Variants in FSHR observed in about 807,000 individuals in gnomAD.
The protein encoded by FSHR is follicle stimulating hormone receptor, also known as follicle-stimulating hormone receptor.
A neutral mutation model predicts 52.1 loss-of-function variants in FSHR; 46 were observed. The ratio of observed to expected loss-of-function variants is 0.88; its 90% confidence interval spans 0.70 to 1.13. FSHR has a LOEUF of 1.13. Among genes scored for constraint, FSHR ranks in the 50% most tolerant of loss-of-function variants. The pLI, the probability that FSHR is intolerant of heterozygous loss-of-function variation, is 0.00. For missense variants in FSHR, 964 were observed against 834.6 expected (o/e 1.16, Z -1.91); for synonymous variants, 399 against 309.6 (o/e 1.29, Z -3.03).
At chr2:49,090,715 C>T (rs1440739200) in intron 1 of FSHR, among the ~76,000 whole-genome samples, 1 of 152,196 alleles carries the variant, frequency 6.6e-6, no homozygotes, top group Non-Finnish European at 1.5e-5. Flanking sequence ...AGCTGTACCA[C>T]ATTGGGTTCT....
At chr2:49,021,691 C>A (rs1230597205) in intron 2 of FSHR, among the ~76,000 whole-genome samples, 1 of 151,648 alleles carries the variant, frequency 6.6e-6, no homozygotes, top group Non-Finnish European at 1.5e-5. Flanking sequence ...AGGGCCATTT[C>A]TCAGAAGCCC....
chr2:48,991,674 G>A (rs1314825900), intron 4 of FSHR, among the ~76,000 whole-genome samples: 1 of 152,232 alleles, frequency 6.6e-6, no homozygotes, highest in Non-Finnish European at 1.5e-5. Context: ...TGGATGAAAT[G>A]TGGGTGGAAC....
intron 1 of FSHR, among the ~76,000 whole-genome samples, chr2:49,132,178 G>T (rs1572788509): frequency 6.6e-6 from 1 of 152,140 alleles, no homozygotes; most frequent in Admixed American, 6.6e-5. Flanking sequence ...ATGATGTACT[G>T]CTTTGTTTAG....
At chr2:49,123,394 G>C (rs1348658680) in intron 1 of FSHR, among the ~76,000 whole-genome samples, 1 of 152,096 alleles carries the variant, frequency 6.6e-6, no homozygotes, top group African/African-American at 2.4e-5. Context: ...GGCTGAGGTA[G>C]GAGTATCGCT....
chr2:49,052,801 G>A lies in FSHR; in HGVS notation c.224+15418C>T, dbSNP rs149326740. Among the ~76,000 whole-genome samples, 75 of 152,266 alleles carry A rather than the reference G, an allele frequency of 4.9e-4. 1 individual carries two copies. In the East Asian group the frequency reaches 6.2e-3, roughly 13 times the overall value. ...AATCACAGAAGGTTGGGTTAGGAAG[G>A]AACTTAAGTCATGTAACAAGGGGGT... On this transcript the variant is annotated intron_variant, in intron 2 of 9. Transcript: ENST00000406846.
At chr2:49,101,341 T>C (rs576252878) in intron 1 of FSHR, among the ~76,000 whole-genome samples, 34 of 151,982 alleles carry the variant, frequency 2.2e-4, no homozygotes, top group Non-Finnish European at 3.8e-4. Context: ...GGAAGTATAA[T>C]AGGGTGGAGT....
Position 49,044,088 on chromosome 2 carries a change from C to T in FSHR, c.225-23928G>A, listed in dbSNP as rs775311270. 2.6e-4 allele frequency among the ~76,000 whole-genome samples: 39 copies of T among 152,108 alleles called. 1 individual carries two copies. The highest frequency in any genetic ancestry group is 3.5e-4 in the Non-Finnish European group (24 of 68,010). On this transcript the variant is annotated intron_variant, in intron 2 of 9. Transcript: ENST00000406846. ...TCTGTAACTACATTATAAATTTCTT[C>T]GGGGTTAGAACCAAATCCTATCTGT...
chr2:49,119,756 C>T (rs1327299120), intron 1 of FSHR, among the ~76,000 whole-genome samples: 5 of 152,106 alleles, frequency 3.3e-5, no homozygotes, highest in Admixed American at 6.5e-5. Context: ...AATACAAAAA[C>T]GAACAAAGGA....
intron 1 of FSHR, among the ~76,000 whole-genome samples, chr2:49,140,281 C>T (rs559194569): frequency 2.0e-5 from 3 of 152,042 alleles, no homozygotes; most frequent in African/African-American, 4.8e-5. Context: ...CAAATCTGGT[C>T]GTTTGAAAGT....
intron 1 of FSHR, among the ~76,000 whole-genome samples, chr2:49,076,760 A>G (rs1412268057): frequency 6.6e-6 from 1 of 152,216 alleles, no homozygotes; most frequent in Admixed American, 6.5e-5. Context: ...TTGGGTAAAT[A>G]CAGCCATTCC....
In FSHR at chr2:48,995,470, C is replaced by T. The variant is rs181778778; in HGVS notation, c.375-4833G>A. ...AGCAAGTGTGTATATCCGGACCACACGAGGTGGATGAAAGGATGGGAAGCA... is the reference window on the plus strand; with the variant it reads ...AGCAAGTGTGTATATCCGGACCACATGAGGTGGATGAAAGGATGGGAAGCA... On this transcript the variant is annotated intron_variant, in intron 4 of 9. Coordinates refer to ENST00000406846, the MANE Select transcript of FSHR (RefSeq NM_000145.4). Among the ~76,000 whole-genome samples, 539 of 151,972 alleles carry T rather than the reference C, an allele frequency of 3.5e-3. 2 individuals carry two copies. The highest frequency in any genetic ancestry group is 0.012 in the African/African-American group (512 of 41,446).
chr2:49,039,625 A>G (rs1394608038), intron 2 of FSHR, among the ~76,000 whole-genome samples: 2 of 152,142 alleles, frequency 1.3e-5, no homozygotes, highest in South Asian at 2.1e-4. Flanking sequence ...CTTTTTTCCA[A>G]ACTGGTAGCT....
chr2:49,094,742 T>G (rs1337649073), intron 1 of FSHR, among the ~76,000 whole-genome samples: 2 of 152,000 alleles, frequency 1.3e-5, no homozygotes, highest in African/African-American at 4.8e-5. Flanking sequence ...GTCAGTAACT[T>G]AAACTTTAAG....
At chr2:49,020,271 T>C in intron 2 of FSHR, 111 bp from the exon 3 acceptor site, 1 of 909,700 alleles carries the variant, frequency 1.1e-6, no homozygotes, top group Admixed American at 1.8e-5. Flanking sequence ...CACACAAAAC[T>C]CCTTTCCTGC....
At chr2:49,068,352 A>C (rs567002828) in intron 1 of FSHR, 62 bp from the exon 2 acceptor site, 281 of 1,343,862 alleles carry the variant, frequency 2.1e-4, no homozygotes, top group South Asian at 7.1e-4. Flanking sequence ...TGAGTTGCTA[A>C]TGTATTCATA....
chr2:49,035,810 A>C (rs1252269258), intron 2 of FSHR, among the ~76,000 whole-genome samples: 1 of 152,224 alleles, frequency 6.6e-6, no homozygotes, highest in Non-Finnish European at 1.5e-5. Context: ...TACAGTCCTT[A>C]AAGCATGAGG....
intron 2 of FSHR, among the ~76,000 whole-genome samples, chr2:49,060,432 C>G (rs1052204789): frequency 3.9e-5 from 6 of 152,168 alleles, no homozygotes; most frequent in African/African-American, 1.4e-4. Context: ...TAAGTTGAAA[C>G]TGTGCCCTGC....
At position 49,036,043 on chromosome 2, in the gene FSHR, G is replaced by A. The variant is rs781657561; in HGVS notation, c.225-15883C>T. On this transcript the variant is annotated intron_variant, in intron 2 of 9. Coordinates refer to ENST00000406846, the MANE Select transcript of FSHR (RefSeq NM_000145.4). The stretch of plus-strand genomic sequence containing the variant: ...TTCTCAAACCCATGATCGATACATG[G>A]ATAGGTAGATATAGATACTGTATCT... Among the ~76,000 whole-genome samples the A allele has an allele frequency of 1.6e-3, 244 of 152,244 alleles. 2 individuals are homozygous for A. The highest frequency in any genetic ancestry group is 6.8e-3 in the Middle Eastern group (2 of 294).
At chr2:49,145,916 C>G (rs1672853087) in intron 1 of FSHR, among the ~76,000 whole-genome samples, 1 of 151,730 alleles carries the variant, frequency 6.6e-6, no homozygotes, top group Non-Finnish European at 1.5e-5. Context: ...AATAGTAGTA[C>G]TTGAGTAGGG....
Sources: gnomAD v4.1 joint callset for allele counts (sites outside exome capture counted in the v4.1 genomes callset) on GRCh38, gnomAD v4.1.1 for gene constraint, MANE v1.5 for transcripts, NCBI Gene and HGNC (gene_info 2026-07-23, HGNC 2026-07-21) for gene names.